BTD: variants seen among roughly 807,000 people sequenced by gnomAD.
BTD encodes the protein biocytinase.
In BTD, 13 loss-of-function variants were observed where a neutral mutation model predicts 17.7. The observed-to-expected ratio is 0.74, with a 90% confidence interval of 0.48 to 1.17. The LOEUF (loss-of-function observed/expected upper bound fraction) is 1.17, where lower values mean the gene tolerates loss of function less well. Among genes scored for constraint, BTD ranks in the 50% most tolerant of loss-of-function variants. The pLI is 0.00. For synonymous variants in BTD, 240 were observed against 245.2 expected, an observed-to-expected ratio of 0.98 and a Z score of 0.20; for missense variants, 674 against 650.4, an observed-to-expected ratio of 1.04 and a Z score of -0.39.
At chr3:15,710,047 T>TC (rs2072022776) in intron 3 of BTD, among the ~76,000 whole-genome samples, 1 of 151,618 alleles carries the variant, frequency 6.6e-6, no homozygotes, top group South Asian at 2.1e-4. Flanking sequence ...TTTTTTTTTT[T>TC]TTCTTGAAAC....
chr3:15,719,631 C>T (rs571555124), intron 4 of BTD, among the ~76,000 whole-genome samples: 4 of 152,068 alleles, frequency 2.6e-5, no homozygotes, highest in African/African-American at 4.8e-5. Context: ...TACAGTGGTG[C>T]GATCATAGTT....
At chr3:15,714,532 G>GAAAAAAAAA, downstream of BTD, 1 of 1,083,668 alleles carries the variant, frequency 9.2e-7, no homozygotes, top group Non-Finnish European at 1.2e-6. Flanking sequence ...CTACATTTAA[G>GAAAAAAAAA]AAAAAAAAAA....
intron 3 of BTD, among the ~76,000 whole-genome samples, chr3:15,664,985 G>T (rs2065962701): frequency 6.6e-6 from 1 of 152,030 alleles, no homozygotes; most frequent in Admixed American, 6.6e-5. Context: ...TAACAAACCT[G>T]CACATGTTCC....
intron 3 of BTD, among the ~76,000 whole-genome samples, chr3:15,661,132 G>A (rs1214276520): frequency 6.6e-6 from 1 of 151,898 alleles, no homozygotes; most frequent in Non-Finnish European, 1.5e-5. Context: ...CGGGCGTGGT[G>A]GTGCATGCCT....
intron 2 of BTD, among the ~76,000 whole-genome samples, chr3:15,641,058 A>G (rs1020081154): frequency 6.6e-6 from 1 of 152,184 alleles, no homozygotes; most frequent in Non-Finnish European, 1.5e-5. Context: ...AGTGGAGAGC[A>G]GTGGAAGAAT....
intron 1 of BTD, among the ~76,000 whole-genome samples, chr3:15,629,781 C>G (rs944982959): frequency 6.6e-6 from 1 of 152,156 alleles, no homozygotes; most frequent in Admixed American, 6.5e-5. Flanking sequence ...TCAACATGCA[C>G]TAGGCAGGCT....
chr3:15,718,803 C>G (rs534887773), intron 4 of BTD, among the ~76,000 whole-genome samples: 1 of 152,282 alleles, frequency 6.6e-6, no homozygotes, highest in South Asian at 2.1e-4. Flanking sequence ...ACTGAGAAAA[C>G]TTGGTTGTGA....
intron 2 of BTD, among the ~76,000 whole-genome samples, chr3:15,638,311 G>A (rs1468611490): frequency 2.0e-5 from 3 of 152,140 alleles, no homozygotes; most frequent in Admixed American, 2.0e-4. Flanking sequence ...CTTACAGACC[G>A]GCAGAACAGA....
intron 1 of BTD, among the ~76,000 whole-genome samples, chr3:15,607,114 G>C (rs945819910): frequency 1.3e-5 from 2 of 152,084 alleles, no homozygotes; most frequent in Admixed American, 1.3e-4. Flanking sequence ...GAGGCCCTCT[G>C]TGCATACTCC....
chr3:15,628,280 T>C (rs2065115819), intron 1 of BTD, among the ~76,000 whole-genome samples: 2 of 152,254 alleles, frequency 1.3e-5, no homozygotes, highest in South Asian at 4.1e-4. Context: ...CATACAGTTA[T>C]GTTGCATCCA....
At chr3:15,625,594 A>G (rs1317593953) in intron 1 of BTD, among the ~76,000 whole-genome samples, 3 of 152,014 alleles carry the variant, frequency 2.0e-5, no homozygotes, top group Non-Finnish European at 1.5e-5. Context: ...TCTCACTCTC[A>G]TGCCAGGCTG....
chr3:15,662,988 A>G (rs1019820987), intron 3 of BTD, among the ~76,000 whole-genome samples: 5 of 150,484 alleles, frequency 3.3e-5, no homozygotes, highest in East Asian at 3.9e-4. Context: ...TACTGCATCT[A>G]TGTTCATGAG....
At position 15,641,032 on chromosome 3, in the gene BTD, C is replaced by T. The variant is rs1010040365; in HGVS notation, c.250-876C>T. Among the ~76,000 whole-genome samples, 9 of 152,304 alleles carry T rather than the reference C, an allele frequency of 5.9e-5. No homozygotes were observed. In the East Asian group the frequency reaches 7.7e-4, roughly 13 times the overall value. ...CCTGGGGCTGGTGTTCCCGGCTTGA[C>T]ATTTTAAACCCTGTAAGTGGAGAGC... is the stretch of plus-strand genomic sequence containing the variant. On this transcript the variant is annotated intron_variant, in intron 2 of 3. Coordinates refer to ENST00000643237, the MANE Select transcript of BTD (RefSeq NM_001370658.1).
At chr3:15,675,848 C>T (rs2066880163) in intron 3 of BTD, 1 of 1,414,886 alleles carries the variant, frequency 7.1e-7, no homozygotes. Context: ...AAATATGGAT[C>T]AAAAGATAAA....
In BTD at chr3:15,645,389, G is replaced by A. The variant is rs764375610; in HGVS notation, c.1473G>A (p.Gln491=). 1.2e-6 allele frequency: 2 copies of A among 1,614,148 alleles called. No individual in the cohort carries two copies. The highest frequency in any genetic ancestry group is 1.7e-6 in the Non-Finnish European group (2 of 1,180,040). ...GGATGACCCTAGAAGTCCCTGACCAGCTTGGCTGGGAGAATGACCACTATT... is the reference window on the plus strand; with the variant it reads ...GGATGACCCTAGAAGTCCCTGACCAACTTGGCTGGGAGAATGACCACTATT... ...TSGMTLEVPD[Q]LGWENDHYFL... The change falls in exon 4 of 4, where the codon CAG becomes CAA. Residue 491 remains glutamine (Q), a synonymous_variant. Transcript: ENST00000643237.
At chr3:15,697,491 T>C (rs2069802240) in intron 3 of BTD, 1 of 151,910 alleles carries the variant, frequency 6.6e-6, no homozygotes, top group Non-Finnish European at 1.5e-5. Context: ...ACAATAAAAA[T>C]AAATTTAATC....
chr3:15,686,157 A>G, intron 3 of BTD: 1 of 1,600,644 alleles, frequency 6.2e-7, no homozygotes, highest in Non-Finnish European at 8.5e-7. Flanking sequence ...GCTGTCACTT[A>G]AGACTGTACT....
chr3:15,714,585 G>C, downstream of BTD: 1 of 1,586,858 alleles, frequency 6.3e-7, no homozygotes, highest in Non-Finnish European at 8.5e-7. Flanking sequence ...TACCACTCTG[G>C]ATAATGGTTT....
intron 3 of BTD, among the ~76,000 whole-genome samples, chr3:15,707,267 A>T (rs1257565489): frequency 1.3e-5 from 2 of 152,186 alleles, no homozygotes; most frequent in Non-Finnish European, 2.9e-5. Context: ...AGAAAAAAAA[A>T]ATATGTATCA....
Sources: allele counts gnomAD v4.1 joint callset (sites outside exome capture counted in the v4.1 genomes callset), GRCh38; gene constraint gnomAD v4.1.1; transcripts MANE v1.5; gene names NCBI Gene and HGNC (gene_info 2026-07-23, HGNC 2026-07-21).